Variants in NCAM2 observed in about 807,000 individuals in gnomAD.
NCAM2 encodes the protein N-CAM-2.
NCAM2 carries 30 observed loss-of-function variants against 98.1 expected under a neutral mutation model. The ratio of observed to expected loss-of-function variants is 0.31; its 90% CI spans 0.23 to 0.41. The LOEUF (loss-of-function observed/expected upper bound fraction) is 0.41, where lower values mean the gene tolerates loss of function less well. Ranked by LOEUF, NCAM2 falls within the 10% of genes least tolerant of loss-of-function variation. The probability of loss-of-function intolerance (pLI) is 1.00; values close to 1 mark genes in which losing one functional copy is unlikely to be tolerated. For missense variants in NCAM2, 867 were observed against 1,005.8 expected, an observed-to-expected ratio of 0.86 and a Z score of 1.87; for synonymous variants, 368 against 342.4, an observed-to-expected ratio of 1.07 and a Z score of -0.83.
At chr21:21,298,586 T>TACAGACAGACAG (rs5842912) in intron 5 of NCAM2, among the ~76,000 whole-genome samples, 1 of 112,080 alleles carries the variant, frequency 8.9e-6, no homozygotes, top group African/African-American at 2.9e-5. Context: ...AAATGATAGA[T>TACAGACAGACAG]ACAGATAGAT....
intron 1 of NCAM2, among the ~76,000 whole-genome samples, chr21:21,247,120 C>A (rs1281584075): frequency 1.3e-5 from 2 of 151,752 alleles, no homozygotes; most frequent in African/African-American, 4.8e-5. Flanking sequence ...GAGATTGAGA[C>A]CATCCTGGCT....
chr21:21,274,439 T>G (rs1159244194), intron 1 of NCAM2, among the ~76,000 whole-genome samples: 1 of 152,192 alleles, frequency 6.6e-6, no homozygotes, highest in Non-Finnish European at 1.5e-5. Context: ...TGATCCAAAA[T>G]TTCTGAAATT....
At chr21:21,493,775 G>C (rs538217177) in intron 15 of NCAM2, among the ~76,000 whole-genome samples, 1 of 151,692 alleles carries the variant, frequency 6.6e-6, no homozygotes, top group Non-Finnish European at 1.5e-5. Context: ...TAGGTTTGCC[G>C]TTTCCAGAAT....
At chr21:21,535,170 G>T (rs546452044) in intron 17 of NCAM2, among the ~76,000 whole-genome samples, 1 of 151,948 alleles carries the variant, frequency 6.6e-6, no homozygotes, top group African/African-American at 2.4e-5. Flanking sequence ...CATTCTTGAT[G>T]TTATTTATTT....
chr21:21,032,586 C>T (rs2064708037), intron 1 of NCAM2, among the ~76,000 whole-genome samples: 1 of 152,098 alleles, frequency 6.6e-6, no homozygotes, highest in Non-Finnish European at 1.5e-5. Context: ...CAAAATAAAC[C>T]TTTCCATATT....
chr21:21,108,878 A>T (rs756024140), intron 1 of NCAM2, among the ~76,000 whole-genome samples: 19 of 152,238 alleles, frequency 1.2e-4, no homozygotes, highest in Non-Finnish European at 2.6e-4. Context: ...TACATCTAAA[A>T]ACTTATAGGG....
intron 1 of NCAM2, among the ~76,000 whole-genome samples, chr21:21,145,693 A>T (rs2067257665): frequency 6.6e-6 from 1 of 152,180 alleles, no homozygotes; most frequent in African/African-American, 2.4e-5. Flanking sequence ...AACCAACACA[A>T]GAGAAGGTAT....
chr21:21,141,656 T>C (rs184997958), intron 1 of NCAM2, among the ~76,000 whole-genome samples: 1 of 152,214 alleles, frequency 6.6e-6, no homozygotes, highest in Non-Finnish European at 1.5e-5. Flanking sequence ...GTGCTCAAAT[T>C]TTCTCCTCCT....
At chr21:21,209,203 G>A (rs1212586296) in intron 1 of NCAM2, among the ~76,000 whole-genome samples, 1 of 151,974 alleles carries the variant, frequency 6.6e-6, no homozygotes, top group East Asian at 1.9e-4. Flanking sequence ...GGTTGATAAT[G>A]GGTTTAGCTT....
intron 1 of NCAM2, among the ~76,000 whole-genome samples, chr21:21,058,383 T>A (rs2065255881): frequency 6.6e-6 from 1 of 152,110 alleles, no homozygotes; most frequent in South Asian, 2.1e-4. Flanking sequence ...TCTGTTGGGG[T>A]CACTTTGAAT....
intron 1 of NCAM2, among the ~76,000 whole-genome samples, chr21:21,108,065 A>G (rs1001596836): frequency 5.9e-5 from 9 of 152,126 alleles, no homozygotes; most frequent in Non-Finnish European, 1.3e-4. Flanking sequence ...CAGCTGCAAT[A>G]TATAACTAAA....
At chr21:21,023,249 T>C (rs1397877880) in intron 1 of NCAM2, among the ~76,000 whole-genome samples, 3 of 152,108 alleles carry the variant, frequency 2.0e-5, no homozygotes, top group Admixed American at 2.0e-4. Context: ...TAAGGCTGGG[T>C]GCGGTGGCTC....
intron 12 of NCAM2, among the ~76,000 whole-genome samples, chr21:21,433,629 G>C (rs948318129): frequency 5.3e-5 from 8 of 151,612 alleles, no homozygotes; most frequent in African/African-American, 1.9e-4. Flanking sequence ...TGTAGACCCA[G>C]CTACTCGGGA....
At chr21:21,010,565 G>A (rs1347592414) in intron 1 of NCAM2, among the ~76,000 whole-genome samples, 1 of 152,034 alleles carries the variant, frequency 6.6e-6, no homozygotes, top group African/African-American at 2.4e-5. Context: ...ATTGTTTGAT[G>A]AACAGTGACT....
chr21:21,468,006 C>T (rs1006063278), intron 13 of NCAM2, among the ~76,000 whole-genome samples: 1 of 152,002 alleles, frequency 6.6e-6, no homozygotes, highest in African/African-American at 2.4e-5. Flanking sequence ...AAAATTCTTG[C>T]ACTTTGGTAG....
In NCAM2 at chr21:21,508,840, T is replaced by TTTTTC. The variant is rs1555909861; in HGVS notation, c.2078-11_2078-10insTTTTC. The TTTTTC allele has an allele frequency of 1.1e-6, 1 of 907,126 alleles. No homozygotes were observed. The highest frequency in any genetic ancestry group is 2.4e-5 in the African/African-American group (1 of 42,414). The allele number at this position is 907,126 out of a possible 1,614,324, so 56.2% of individuals were successfully genotyped here. The stretch of plus-strand genomic sequence containing the variant: ...TTTTTTTTTTTTTTTTTTTTTTTTT[T>TTTTTC]ACTTTTTAAGACACGCTGTTTAATG... On this transcript the variant is annotated splice_polypyrimidine_tract_variant and intron_variant, in intron 15 of 17. Transcript: ENST00000400546.
chr21:21,455,287 G>T lies in NCAM2; in HGVS notation c.1655-11319G>T, dbSNP rs116849260. 2.8e-3 allele frequency among the ~76,000 whole-genome samples: 411 copies of T among 146,408 alleles called. 3 individuals carry two copies. Among genetic ancestry groups the T allele is most frequent in the Non-Finnish European group, 4.1e-3 (276 of 66,958 alleles). On this transcript the variant is annotated intron_variant, in intron 12 of 17. Transcript: ENST00000400546. Reference sequence around the variant, plus strand: ...ACAGCCAGGATATCCCAGATCAAAAGTTATTGGAATAATATGATTTCATCG... The same window carrying T: ...ACAGCCAGGATATCCCAGATCAAAATTTATTGGAATAATATGATTTCATCG...
chr21:21,333,923 C>A (rs1434919485), intron 6 of NCAM2, among the ~76,000 whole-genome samples: 6 of 151,730 alleles, frequency 4.0e-5, no homozygotes, highest in Non-Finnish European at 7.4e-5. Flanking sequence ...GTAATAATAT[C>A]AAAAATATAT....
chr21:21,068,692 T>C (rs1391878283), intron 1 of NCAM2, among the ~76,000 whole-genome samples: 3 of 152,140 alleles, frequency 2.0e-5, no homozygotes, highest in African/African-American at 7.2e-5. Flanking sequence ...ACTCTTGACC[T>C]TGTGATCTGC....
Sources: allele counts gnomAD v4.1 joint callset (sites outside exome capture counted in the v4.1 genomes callset), GRCh38; gene constraint gnomAD v4.1.1; transcripts MANE v1.5; gene names NCBI Gene and HGNC (gene_info 2026-07-23, HGNC 2026-07-21).